EPHA8: variants seen among roughly 807,000 people sequenced by gnomAD.
The protein encoded by EPHA8 is EPH receptor A8, also known as ephrin type-A receptor 8.
Under a neutral mutation model 103.6 loss-of-function variants are expected in EPHA8, and 58 were observed. The ratio of observed to expected loss-of-function variants is 0.56; its 90% CI spans 0.45 to 0.70. The LOEUF (loss-of-function observed/expected upper bound fraction) is 0.70. EPHA8 is among the 30% of genes least tolerant of loss of function. The probability of loss-of-function intolerance (pLI) is 0.00; values close to 1 mark genes in which losing one functional copy is unlikely to be tolerated. For synonymous variants in EPHA8, 559 were observed against 572.5 expected, an observed-to-expected ratio of 0.98 and a Z score of 0.34; for missense variants, 1,304 against 1,395.2, an observed-to-expected ratio of 0.93 and a Z score of 1.04.
rs974108321 is a variant in EPHA8 at position 22,603,247 on chromosome 1, C to T, written c.*1506C>T. The T allele has an allele frequency of 2.6e-5, 4 of 151,612 alleles. No homozygotes were observed. Among genetic ancestry groups the T allele is most frequent in the Admixed American group, 6.6e-5 (1 of 15,192 alleles). The allele number at this position is 151,612 out of a possible 1,614,324, so 9.4% of individuals were successfully genotyped here. A position where few individuals can be genotyped will look rare whatever the true frequency, so the allele number is the denominator to read the frequency against. On this transcript the variant is annotated 3_prime_UTR_variant, in exon 17 of 17. Transcript: ENST00000166244. ...GCCCCCTCTCCCTCCTGCAATAATT[C>T]GGGGAGTCTCAGCCCCATCCAGGTG...
At chr1:22,575,276 C>T (rs1009002899) in intron 2 of EPHA8, among the ~76,000 whole-genome samples, 1 of 152,112 alleles carries the variant, frequency 6.6e-6, no homozygotes, top group African/African-American at 2.4e-5. Context: ...TTTATAACAG[C>T]CATCCTAATG....
intron 1 of EPHA8, among the ~76,000 whole-genome samples, chr1:22,564,214 T>G (rs1640286207): frequency 6.8e-6 from 1 of 147,766 alleles, no homozygotes; most frequent in African/African-American, 2.5e-5. Flanking sequence ...GGGACAGCAT[T>G]GAGAGATAGG....
Position 22,589,708 on chromosome 1 carries a change from T to G in EPHA8, c.1315+502T>G, listed in dbSNP as rs1226879773. 1 of 1,044,404 alleles carries G rather than the reference T, an allele frequency of 9.6e-7. No homozygotes were observed. Among genetic ancestry groups the G allele is most frequent in the Non-Finnish European group, 1.2e-6 (1 of 869,190 alleles). 64.7% of individuals were successfully genotyped at this position (1,044,404 alleles called of 1,614,324 possible). A position where few individuals can be genotyped will look rare whatever the true frequency, so the allele number is the denominator to read the frequency against. ...CACTGGCTTGGACCACAGTAGTTTA[T>G]CTATCAGTTTCTGGCCAGTTGGTGG... On this transcript the variant is annotated intron_variant, in intron 5 of 16. Transcript: ENST00000166244. This position sits in a 1 kb window ranked among gnomAD's most constrained non-coding sequence, Gnocchi z 4.3.
chr1:22,590,804 TCCCCTAGGA>T (rs1641352208), intron 5 of EPHA8, among the ~76,000 whole-genome samples: 1 of 151,940 alleles, frequency 6.6e-6, no homozygotes, highest in Admixed American at 6.6e-5. Flanking sequence ...CGAAGACCTC[TCCCCTAGGA>T]CCCAGCTGCC....
At chr1:22,586,808 G>A (rs2148249795) in intron 4 of EPHA8, among the ~76,000 whole-genome samples, 173 bp downstream of exon 4, 1 of 151,988 alleles carries the variant, frequency 6.6e-6, no homozygotes, top group African/African-American at 2.4e-5. Context: ...TCCCTCCACG[G>A]TGGCCTAGAC....
At chr1:22,574,271 GC>G (rs58692946) in intron 2 of EPHA8, among the ~76,000 whole-genome samples, 8,467 of 152,264 alleles carry the variant, frequency 0.056, 301 homozygotes, top group Non-Finnish European at 0.08. Flanking sequence ...GAGCCACCGC[GC>G]CCGGCCAGGC....
In EPHA8 at chr1:22,569,933, G is replaced by T. The variant is rs1037239744; in HGVS notation, c.159+580G>T. Among the ~76,000 whole-genome samples the T allele has an allele frequency of 6.6e-6, 1 of 152,186 alleles. No homozygotes were observed. Among genetic ancestry groups the T allele is most frequent in the African/African-American group, 2.4e-5 (1 of 41,446 alleles). ...TGAATCCTGCGGGGGCAGGGCAGTA[G>T]AGTAGGAGTGAGCCCGCGAGCCTGG... On this transcript the variant is annotated intron_variant, in intron 2 of 16. Coordinates refer to ENST00000166244, the MANE Select transcript of EPHA8 (RefSeq NM_020526.5). This position sits in a 1 kb window ranked among gnomAD's most constrained non-coding sequence, Gnocchi z 4.5.
In EPHA8 at chr1:22,597,417, G is replaced by A. The variant is rs746799254; in HGVS notation, c.1871G>A (p.Arg624His). Residue 624 changes from arginine (R) to histidine (H), a missense_variant, in exon 10 of 17, where the codon CGC becomes CAC. Transcript: ENST00000166244. This position sits in a 1 kb window ranked among gnomAD's most constrained non-coding sequence, Gnocchi z 4.6. ...TACGAGGAGCCAGGCCGGGCGGGCC[G>A]CAGTTTCACTCGGGAGATCGAGGCC... ...HTYEEPGRAG[R>H]SFTREIEASR... 7 of 1,613,424 alleles carry A rather than the reference G, an allele frequency of 4.3e-6. No homozygotes were observed. Among genetic ancestry groups the A allele is most frequent in the East Asian group, 4.5e-5 (2 of 44,888 alleles).
At chr1:22,595,997 G>A (rs1641506334) in intron 8 of EPHA8, 109 bp from the exon 9 acceptor site, 1 of 979,374 alleles carries the variant, frequency 1.0e-6, no homozygotes, top group South Asian at 1.5e-5. Context: ...GAGCTGACCT[G>A]TCAGGGGAAG....
intron 3 of EPHA8, 47 bp from the exon 4 acceptor site, chr1:22,586,433 C>G (rs780612087): frequency 6.3e-7 from 1 of 1,597,648 alleles, no homozygotes; most frequent in South Asian, 1.1e-5. Context: ...CCAAGGCCAG[C>G]CAGGGTGGCC....
chr1:22,586,246 G>A (rs1440753948), intron 3 of EPHA8, among the ~76,000 whole-genome samples: 1 of 152,118 alleles, frequency 6.6e-6, no homozygotes, highest in African/African-American at 2.4e-5. Flanking sequence ...CCCATGTCAG[G>A]GTCTGAACCT....
At chr1:22,578,061 G>GTA (rs1216267911) in intron 3 of EPHA8, among the ~76,000 whole-genome samples, 14 of 92,464 alleles carry the variant, frequency 1.5e-4, no homozygotes, top group Admixed American at 2.6e-4. Flanking sequence ...GTGTGCATGT[G>GTA]TGCATGAGTA....
At chr1:22,584,605 G>A (rs781319252) in intron 3 of EPHA8, among the ~76,000 whole-genome samples, 6 of 152,186 alleles carry the variant, frequency 3.9e-5, no homozygotes, top group Non-Finnish European at 8.8e-5. Flanking sequence ...GTAATTGAAG[G>A]TTCTCTCAGG....
intron 1 of EPHA8, among the ~76,000 whole-genome samples, chr1:22,565,244 C>A (rs1215835412): frequency 2.0e-5 from 3 of 152,248 alleles, no homozygotes; most frequent in African/African-American, 7.2e-5. Flanking sequence ...AACAAACACA[C>A]ACAGACACAG....
At chr1:22,566,323 G>A (rs933465425) in intron 1 of EPHA8, among the ~76,000 whole-genome samples, 2 of 152,242 alleles carry the variant, frequency 1.3e-5, no homozygotes, top group African/African-American at 2.4e-5. Flanking sequence ...CATGCGCTGC[G>A]TCCTCAGGGA....
intron 13 of EPHA8, among the ~76,000 whole-genome samples, chr1:22,599,877 G>A: frequency 1.2e-5 from 1 of 81,440 alleles, no homozygotes; most frequent in African/African-American, 5.3e-5. Context: ...GGGAAGGAGG[G>A]AGGGAGTGGG....
At chr1:22,574,315 A>G (rs1177840863) in intron 2 of EPHA8, among the ~76,000 whole-genome samples, 1 of 152,218 alleles carries the variant, frequency 6.6e-6, no homozygotes, top group Non-Finnish European at 1.5e-5. Context: ...TTCTGGTGAA[A>G]TACACATAAG....
chr1:22,574,039 C>T (rs1463158515), intron 2 of EPHA8, among the ~76,000 whole-genome samples: 4 of 152,250 alleles, frequency 2.6e-5, no homozygotes, highest in Non-Finnish European at 4.4e-5. Flanking sequence ...AGCGCAGTGG[C>T]ACAATCTCAG....
chr1:22,596,090 G>A lies in EPHA8; in HGVS notation c.1698-16G>A. ...GGGTGGCCTGGCCTCAGGCAGGGCGGTGCCCTCCTCTGCAGGCACTGTGGC... is the reference window on the plus strand; with the variant it reads ...GGGTGGCCTGGCCTCAGGCAGGGCGATGCCCTCCTCTGCAGGCACTGTGGC... On this transcript the variant is annotated splice_polypyrimidine_tract_variant and intron_variant, in intron 8 of 16. Transcript: ENST00000166244. 2 of 1,613,254 alleles carry A rather than the reference G, an allele frequency of 1.2e-6. No homozygotes were observed. The highest frequency in any genetic ancestry group is 8.5e-7 in the Non-Finnish European group (1 of 1,179,648).
Sources: allele counts gnomAD v4.1 joint callset (sites outside exome capture counted in the v4.1 genomes callset), GRCh38; gene constraint gnomAD v4.1.1; non-coding constraint Gnocchi (gnomAD v3.1); transcripts MANE v1.5; gene names NCBI Gene and HGNC (gene_info 2026-07-23, HGNC 2026-07-21).